Variants in ATG2A observed in about 807,000 individuals in gnomAD.
ATG2A encodes the protein autophagy related 2A.
Under a neutral mutation model 214.2 loss-of-function variants are expected in ATG2A, and 103 were observed. The observed-to-expected ratio is 0.48, with a 90% confidence interval of 0.41 to 0.57. The LOEUF (loss-of-function observed/expected upper bound fraction) is 0.57, where lower values mean the gene tolerates loss of function less well. Ranked by LOEUF, ATG2A falls within the 20% of genes least tolerant of loss-of-function variation. ATG2A has a pLI of 0.00. For missense variants in ATG2A, 2,312 were observed against 2,613.2 expected (o/e 0.88, Z 2.51); for synonymous variants, 1,160 against 1,142.1 (o/e 1.02, Z -0.32).
In ATG2A at chr11:64,909,565, A is replaced by G. The variant is rs897026190; in HGVS notation, c.2107+116T>C. ...CAGTGCTGGGACCCCAAGAGCTGGT[A>G]AAGGCCTGGGCCAGGGACTGCTCGG... On this transcript the variant is annotated intron_variant, in intron 14 of 40. Coordinates refer to ENST00000377264, the MANE Select transcript of ATG2A (RefSeq NM_015104.3). 4 of 1,519,230 alleles carry G rather than the reference A, an allele frequency of 2.6e-6. No individual in the cohort carries two copies. In the African/African-American group the frequency reaches 5.5e-5, roughly 21 times the overall value. The allele number at this position is 1,519,230 out of a possible 1,614,324, so 94.1% of individuals were successfully genotyped here. A position where few individuals can be genotyped will look rare whatever the true frequency, so the allele number is the denominator to read the frequency against.
chr11:64,895,150 C>CTT lies in ATG2A; in HGVS notation c.5638_5639dup (p.Gly1881ArgfsTer3). The CTT allele has an allele frequency of 6.2e-7, 1 of 1,613,250 alleles. No individual in the cohort carries two copies. Among genetic ancestry groups the CTT allele is most frequent in the Non-Finnish European group, 8.5e-7 (1 of 1,179,780 alleles). Reference sequence around the variant, plus strand: ...CGCCCCCCACGGCGCCCGTCAGCCCCTTCTGCTCATGGCCCCGCGATGCCA... The same window carrying CTT: ...CGCCCCCCACGGCGCCCGTCAGCCCCTTTTCTGCTCATGGCCCCGCGATGCCA... On this transcript the variant is annotated frameshift_variant, in exon 41 of 41. Transcript: ENST00000377264. LOFTEE classifies it high-confidence loss of function. The surrounding 1 kb of genome is among the most constrained non-coding windows in gnomAD (Gnocchi z 5.0).
rs935507315 is a variant in ATG2A, at chr11:64,895,461, C to T, written c.5428-19G>A. 6.5e-6 allele frequency: 10 copies of T among 1,540,780 alleles called. No individual in the cohort carries two copies. In the Admixed American group the frequency reaches 1.5e-4, roughly 24 times the overall value. ...CTGTGGCCTGGGGGACATGGGAGCACTGGATGAGGACAGCTGGCTGGGGCA... is the reference window on the plus strand; with the variant it reads ...CTGTGGCCTGGGGGACATGGGAGCATTGGATGAGGACAGCTGGCTGGGGCA... On this transcript the variant is annotated intron_variant, in intron 39 of 40. Coordinates refer to ENST00000377264, the MANE Select transcript of ATG2A (RefSeq NM_015104.3). This position sits in a 1 kb window ranked among gnomAD's most constrained non-coding sequence, Gnocchi z 5.0.
intron 15 of ATG2A, 44 bp downstream of exon 15, chr11:64,909,224 CCAG>C: frequency 6.2e-7 from 1 of 1,611,128 alleles, no homozygotes; most frequent in South Asian, 1.1e-5. Flanking sequence ...CCTGCCACCC[CCAG>C]CAGAACCCTC....
chr11:64,911,243 T>C lies in ATG2A; in HGVS notation c.1261A>G (p.Met421Val), dbSNP rs766556517. Residue 421 changes from methionine (M) to valine (V), a missense_variant, in exon 10 of 41, where the codon ATG becomes GTG. Transcript: ENST00000377264. The stretch of plus-strand genomic sequence containing the variant: ...ATCTTCAGCAGCGAGTCAGGGCGCA[T>C]GGTGTCCAGGAGGGGGTTGGGGGCC... The part of the protein sequence containing the change: ...KMAPNPLLDT[M>V]RPDSLLKMTL... 2.0e-5 allele frequency: 33 copies of C among 1,613,754 alleles called. No homozygotes were observed. The highest frequency in any genetic ancestry group is 2.8e-5 in the Non-Finnish European group (33 of 1,180,018).
At chr11:64,902,704 C>G (rs368859983) in intron 26 of ATG2A, 24 bp from the exon 27 acceptor site, 2 of 1,598,856 alleles carry the variant, frequency 1.3e-6, no homozygotes, top group African/African-American at 2.7e-5. Flanking sequence ...GTGGGGGGAG[C>G]AGCTATGTGA....
At position 64,895,037 on chromosome 11, in the gene ATG2A, TG is replaced by T. The variant is rs772847826; in HGVS notation, c.5752del (p.Gln1918ArgfsTer59). The stretch of plus-strand genomic sequence containing the variant: ...GTCCTTGTGGGCGTCGGGGACAATC[TG>T]GTTGCGCATGCCCCCGAGCAGGCTG... The part of the protein sequence containing the change: ...TSSLLGGMRN[Q>X]IVPDAHKDHA... On this transcript the variant is annotated frameshift_variant, in exon 41 of 41. Transcript: ENST00000377264. LOFTEE classifies it high-confidence loss of function. The surrounding 1 kb of genome is among the most constrained non-coding windows in gnomAD (Gnocchi z 5.0). 6.2e-7 allele frequency: 1 copy of T among 1,613,418 alleles called. No homozygotes were observed. The highest frequency in any genetic ancestry group is 8.5e-7 in the Non-Finnish European group (1 of 1,179,684).
intron 1 of ATG2A, among the ~76,000 whole-genome samples, chr11:64,914,749 A>G (rs1282706231): frequency 5.3e-5 from 8 of 151,984 alleles, no homozygotes; most frequent in African/African-American, 1.7e-4. Context: ...ATTCAAGATA[A>G]TATTTACCGA....
Position 64,910,607 on chromosome 11 carries a change from G to A in ATG2A, c.1707+9C>T, listed in dbSNP as rs1487305316. 2 of 1,592,448 alleles carry A rather than the reference G, an allele frequency of 1.3e-6. No individual in the cohort carries two copies. Among genetic ancestry groups the A allele is most frequent in the South Asian group, 2.3e-5 (2 of 87,920 alleles). On this transcript the variant is annotated intron_variant, in intron 12 of 40. Coordinates refer to ENST00000377264, the MANE Select transcript of ATG2A (RefSeq NM_015104.3). Reference sequence around the variant, plus strand: ...GGGACAGCCTGGTGGCCTGGAGCGGGTGGGTTACCTTAGGCACACGGCGCA... The same window carrying A: ...GGGACAGCCTGGTGGCCTGGAGCGGATGGGTTACCTTAGGCACACGGCGCA...
chr11:64,912,961 T>G, intron 6 of ATG2A, 77 bp downstream of exon 6: 2 of 1,057,378 alleles, frequency 1.9e-6, no homozygotes, highest in Non-Finnish European at 2.7e-6. Flanking sequence ...CTGTGGGCTG[T>G]AGATAATCAG....
chr11:64,900,293 T>A (rs1179618799), intron 31 of ATG2A, among the ~76,000 whole-genome samples: 2 of 152,038 alleles, frequency 1.3e-5, no homozygotes, highest in Non-Finnish European at 2.9e-5. Context: ...CCAGCACACC[T>A]GTCTCCTCCA....
chr11:64,900,823 G>T, intron 30 of ATG2A, 61 bp downstream of exon 30: 1 of 1,517,658 alleles, frequency 6.6e-7, no homozygotes, highest in Non-Finnish European at 8.8e-7. Context: ...CTGAAAGTCA[G>T]ACCTGGACCA....
Position 64,907,496 on chromosome 11 carries a change from C to T in ATG2A, c.2647+29G>A, listed in dbSNP as rs541888501. On this transcript the variant is annotated intron_variant, in intron 18 of 40. Transcript: ENST00000377264. ...CCCTTCCCAGACCTGGGGGTCCTCC[C>T]TCTAGCCCAGCGTTAGCACCTCTCA... 1.2e-5 allele frequency: 20 copies of T among 1,612,034 alleles called. No homozygotes were observed. In the East Asian group the frequency reaches 1.8e-4, roughly 14 times the overall value.
intron 31 of ATG2A, 134 bp downstream of exon 31, chr11:64,900,360 G>T: frequency 7.4e-7 from 1 of 1,356,258 alleles, no homozygotes; most frequent in Non-Finnish European, 1.0e-6. Flanking sequence ...GATACATCTT[G>T]GTCCCTGCCT....
In ATG2A at chr11:64,898,429, CCT is replaced by C; in HGVS notation, c.4672-69_4672-68del. The C allele has an allele frequency of 7.0e-7, 1 of 1,430,246 alleles. No homozygotes were observed. The highest frequency in any genetic ancestry group is 1.3e-5 in the South Asian group (1 of 76,248). 88.6% of individuals were successfully genotyped at this position (1,430,246 alleles called of 1,614,324 possible). On this transcript the variant is annotated intron_variant, in intron 32 of 40. Transcript: ENST00000377264. This position sits in a 1 kb window ranked among gnomAD's most constrained non-coding sequence, Gnocchi z 4.5. Reference sequence around the variant, plus strand: ...GGGGCAGCAGCTCACCCAGCTGTTCCCTGACAGCTCACCCAGCCACCCTGCCT... The same window carrying C: ...GGGGCAGCAGCTCACCCAGCTGTTCCGACAGCTCACCCAGCCACCCTGCCT...
At position 64,898,521 on chromosome 11, in the gene ATG2A, A is replaced by T; in HGVS notation, c.4671+115T>A. The T allele has an allele frequency of 1.4e-6, 2 of 1,397,172 alleles. No individual in the cohort carries two copies. The highest frequency in any genetic ancestry group is 2.0e-6 in the Non-Finnish European group (2 of 1,010,106). 86.5% of individuals were successfully genotyped at this position (1,397,172 alleles called of 1,614,324 possible). A position where few individuals can be genotyped will look rare whatever the true frequency, so the allele number is the denominator to read the frequency against. ...CTGCCCTTCTCCCAGGCTCACAAAC[A>T]ACCTGGGTGTTTGTGTGGGAATGCG... On this transcript the variant is annotated intron_variant, in intron 32 of 40. Transcript: ENST00000377264. The surrounding 1 kb of genome is among the most constrained non-coding windows in gnomAD (Gnocchi z 4.5).
chr11:64,906,416 G>A lies in ATG2A; in HGVS notation c.3101C>T (p.Ser1034Leu), dbSNP rs766516929. 111 of 1,613,068 alleles carry A rather than the reference G, an allele frequency of 6.9e-5. No individual in the cohort carries two copies. The highest frequency in any genetic ancestry group is 8.9e-5 in the Non-Finnish European group (105 of 1,180,012). ...TCCCCGGCCCTGGCCCTTGCGGCCC[G>A]AGGCTCCCCGCTCGGTCACCCCTTC... ...SEEGVTERGA[S>L]GRKGQGRGPH... Residue 1034 changes from serine (S) to leucine (L), a missense_variant, in exon 21 of 41, where the codon TCG (serine) becomes TTG (leucine). Physicochemically the swap from Ser to Leu is moderately radical, Grantham distance 145. Coordinates refer to ENST00000377264, the MANE Select transcript of ATG2A (RefSeq NM_015104.3).
In ATG2A at chr11:64,897,865, A is replaced by G; in HGVS notation, c.4968T>C (p.Pro1656=). ...TGAAGTAGATGGGCTGCTGGTCAGG[A>G]GGGGAGGGGCTGTGTCCACCTCCTG... ...EAPGGGHSPS[P]PDQQPIYFRE... is the part of the protein sequence containing the mutation. The change falls in exon 35 of 41, where the codon CCT becomes CCC. Residue 1656 remains proline, a synonymous_variant. Transcript: ENST00000377264. 1.3e-6 allele frequency: 2 copies of G among 1,596,260 alleles called. No homozygotes were observed. The highest frequency in any genetic ancestry group is 1.7e-6 in the Non-Finnish European group (2 of 1,169,838).
chr11:64,906,565 G>A (rs376942003), intron 20 of ATG2A, 32 bp from the exon 21 acceptor site: 2 of 1,609,498 alleles, frequency 1.2e-6, no homozygotes, highest in Admixed American at 1.7e-5. Context: ...CCCCTGCCAA[G>A]CCAACTGGCT....
chr11:64,915,441 G>C (rs1299923562), intron 1 of ATG2A, among the ~76,000 whole-genome samples: 1 of 152,142 alleles, frequency 6.6e-6, no homozygotes, highest in Non-Finnish European at 1.5e-5. Context: ...TAGTCACCCA[G>C]TATACAACAG....
Sources: allele counts gnomAD v4.1 joint callset (sites outside exome capture counted in the v4.1 genomes callset), GRCh38; gene constraint gnomAD v4.1.1; non-coding constraint Gnocchi (gnomAD v3.1); transcripts MANE v1.5; gene names NCBI Gene and HGNC (gene_info 2026-07-23, HGNC 2026-07-21).